The following TMEM65 variants were observed in gnomAD, a reference collection of about 807,000 sequenced individuals.
The protein encoded by TMEM65 is transmembrane protein 65.
A neutral mutation model predicts 25.4 loss-of-function variants in TMEM65; 22 were observed. The observed-to-expected ratio is 0.86, with a 90% CI of 0.62 to 1.23. TMEM65 has a LOEUF of 1.23. Among genes scored for constraint, TMEM65 ranks in the 50% most tolerant of loss-of-function variants. The pLI is 0.00. For missense variants in TMEM65, 262 were observed against 308.2 expected (o/e 0.85, Z 1.12); for synonymous variants, 132 against 126.2 (o/e 1.05, Z -0.31).
At chr8:124,339,232 T>A (rs1478369602) in intron 1 of TMEM65, among the ~76,000 whole-genome samples, 79 of 41,936 alleles carry the variant, frequency 1.9e-3, no homozygotes, top group Non-Finnish European at 3.6e-3. Flanking sequence ...AATATATATA[T>A]ATATATATAT....
At position 124,327,395 on chromosome 8, in the gene TMEM65, T is replaced by C. The variant is rs756428529; in HGVS notation, c.376A>G (p.Ile126Val). The change falls in exon 3 of 7, where the codon ATA becomes GTA. Residue 126 changes from isoleucine to valine, a missense_variant. Physicochemically the swap from Ile to Val is conservative, Grantham distance 29 (BLOSUM62 3). Coordinates refer to ENST00000297632, the MANE Select transcript of TMEM65 (RefSeq NM_194291.3). ...GCATTATCCAAAAAGCCAAACCCTA[T>C]GAAAGGTATCGCATTGTGGATGAAT... ...YVFIHNAIPF[I>V]GFGFLDNAIM... The C allele has an allele frequency of 4.4e-6, 7 of 1,602,174 alleles. No individual in the cohort carries two copies. In the South Asian group the frequency reaches 7.9e-5, roughly 18 times the overall value.
intron 1 of TMEM65, among the ~76,000 whole-genome samples, chr8:124,356,102 A>G (rs900549502): frequency 6.6e-6 from 1 of 152,212 alleles, no homozygotes; most frequent in African/African-American, 2.4e-5. Flanking sequence ...CTACGAGTCA[A>G]TCCTTAATCT....
At chr8:124,370,854 GAGAGT>G (rs1211823554) in intron 1 of TMEM65, among the ~76,000 whole-genome samples, 2 of 152,180 alleles carry the variant, frequency 1.3e-5, no homozygotes, top group African/African-American at 4.8e-5. Flanking sequence ...GTTTAGAGAG[GAGAGT>G]AAACTTTTTT....
chr8:124,311,067 T>C lies in TMEM65; in HGVS notation c.*2893A>G, dbSNP rs939036363. ...AAACTTCCATTACCTTCAAAATTTA[T>C]GTTCTAGAGAAAAAGAATAAAGTAA... On this transcript the variant is annotated 3_prime_UTR_variant, in exon 7 of 7. Transcript: ENST00000297632. The C allele has an allele frequency of 2.0e-5, 3 of 152,230 alleles. No individual in the cohort carries two copies. The highest frequency in any genetic ancestry group is 2.9e-5 in the Non-Finnish European group (2 of 68,038). The allele number at this position is 152,230 out of a possible 1,614,324, so 9.4% of individuals were successfully genotyped here.
At chr8:124,339,392 CCTTTTT>C (rs1456986914) in intron 1 of TMEM65, among the ~76,000 whole-genome samples, 2 of 151,220 alleles carry the variant, frequency 1.3e-5, no homozygotes, top group Non-Finnish European at 2.9e-5. Flanking sequence ...TATATAATTT[CCTTTTT>C]CTATCTATAA....
At chr8:124,357,600 T>G (rs1814800902) in intron 1 of TMEM65, among the ~76,000 whole-genome samples, 1 of 152,090 alleles carries the variant, frequency 6.6e-6, no homozygotes, top group African/African-American at 2.4e-5. Context: ...GCTTTTGTAT[T>G]GAATGGTGCA....
In TMEM65 at chr8:124,312,504, A is replaced by T. The variant is rs1315615014; in HGVS notation, c.*1456T>A. The T allele has an allele frequency of 6.6e-6, 1 of 151,400 alleles. No homozygotes were observed. Among genetic ancestry groups the T allele is most frequent in the Non-Finnish European group, 1.5e-5 (1 of 67,762 alleles). The allele number at this position is 151,400 out of a possible 1,614,324, so 9.4% of individuals were successfully genotyped here. On this transcript the variant is annotated 3_prime_UTR_variant, in exon 7 of 7. Transcript: ENST00000297632. ...AAATAAACTGCTGTAAAACCTCTGC[A>T]TCTATTTAGCAACACAAATAACTTC...
rs138888643 is a variant in TMEM65 at position 124,327,420 on chromosome 8, T to C, written c.351A>G (p.Val117=). 9 of 1,585,602 alleles carry C rather than the reference T, an allele frequency of 5.7e-6. No homozygotes were observed. Among genetic ancestry groups the C allele is most frequent in the Non-Finnish European group, 7.7e-6 (9 of 1,167,318 alleles). The change falls in exon 3 of 7, where the codon GTA becomes GTG. Residue 117 remains valine (V), a splice_region_variant and synonymous_variant. Coordinates refer to ENST00000297632, the MANE Select transcript of TMEM65 (RefSeq NM_194291.3). ...PPPTPGQLRY[V]FIHNAIPFIG... ...TGAAAGGTATCGCATTGTGGATGAA[T>C]ACTGAAAAACATCAAAAACAGAAAA...
At chr8:124,354,143 A>G (rs1814746566) in intron 1 of TMEM65, among the ~76,000 whole-genome samples, 1 of 152,136 alleles carries the variant, frequency 6.6e-6, no homozygotes, top group Non-Finnish European at 1.5e-5. Flanking sequence ...AAACCCAAAG[A>G]CATGCTACAA....
intron 6 of TMEM65, among the ~76,000 whole-genome samples, chr8:124,316,296 T>G (rs770230000): frequency 3.9e-5 from 6 of 152,200 alleles, no homozygotes; most frequent in Non-Finnish European, 5.9e-5. Context: ...TCTGTAATAC[T>G]GTTTTATAAG....
chr8:124,313,948 A>AT lies in TMEM65; in HGVS notation c.*11dup, dbSNP rs771941019. The AT allele has an allele frequency of 1.5e-5, 24 of 1,575,130 alleles. No individual in the cohort carries two copies. The highest frequency in any genetic ancestry group is 2.0e-5 in the Non-Finnish European group (23 of 1,146,110). ...CATTAGTTTACATCTTTTTATAGGT[A>AT]TTCTAAGAGGATTAACTTTTCGTTT... On this transcript the variant is annotated 3_prime_UTR_variant, in exon 7 of 7. Coordinates refer to ENST00000297632, the MANE Select transcript of TMEM65 (RefSeq NM_194291.3).
At chr8:124,361,321 G>A (rs113982663) in intron 1 of TMEM65, among the ~76,000 whole-genome samples, 3,959 of 151,826 alleles carry the variant, frequency 0.026, 218 homozygotes, top group African/African-American at 0.09. Flanking sequence ...TGTAATCCCA[G>A]CTACTCCAGA....
chr8:124,314,138 C>T, intron 6 of TMEM65, 77 bp from the exon 7 acceptor site: 1 of 1,130,464 alleles, frequency 8.8e-7, no homozygotes, highest in Non-Finnish European at 1.3e-6. Context: ...ATCTCACCAG[C>T]TCTTCTCAAT....
Position 124,342,752 on chromosome 8 carries a change from G to A in TMEM65, c.305-11960C>T, listed in dbSNP as rs570583319. 2.3e-4 allele frequency among the ~76,000 whole-genome samples: 35 copies of A among 152,216 alleles called. No homozygotes were observed. In the South Asian group the frequency reaches 6.6e-3, roughly 29 times the overall value. On this transcript the variant is annotated intron_variant, in intron 1 of 6. Transcript: ENST00000297632. ...CAAATTACAGGGAAAAATTGTTCGA[G>A]TGACTGTTCTAAGATTGCTAAAGTG...
At chr8:124,333,464 TGTGTGC>T (rs1368980083) in intron 1 of TMEM65, among the ~76,000 whole-genome samples, 1 of 84,634 alleles carries the variant, frequency 1.2e-5, no homozygotes, top group Non-Finnish European at 2.2e-5. Flanking sequence ...TCTGTGTGTG[TGTGTGC>T]GTGTGTGTGT....
chr8:124,331,624 A>T (rs1814433359), intron 1 of TMEM65, among the ~76,000 whole-genome samples: 1 of 151,866 alleles, frequency 6.6e-6, no homozygotes, highest in East Asian at 1.9e-4. Context: ...ACCTGGTCTT[A>T]TAACAATAAG....
chr8:124,309,235 A>T lies in TMEM65; in HGVS notation c.*4725T>A, dbSNP rs1011258815. ...AAAGGCTTCCAGCCAATAGGAGGCT[A>T]TAAGTAAAGTTTGGAGAGAGTAAAA... is the stretch of plus-strand genomic sequence containing the variant. On this transcript the variant is annotated 3_prime_UTR_variant, in exon 7 of 7. Coordinates refer to ENST00000297632, the MANE Select transcript of TMEM65 (RefSeq NM_194291.3). 3.9e-5 allele frequency: 6 copies of T among 152,256 alleles called. No individual in the cohort carries two copies. The highest frequency in any genetic ancestry group is 1.4e-4 in the African/African-American group (6 of 41,470). The allele number at this position is 152,256 out of a possible 1,614,324, so 9.4% of individuals were successfully genotyped here. A position where few individuals can be genotyped will look rare whatever the true frequency, so the allele number is the denominator to read the frequency against.
intron 1 of TMEM65, among the ~76,000 whole-genome samples, chr8:124,358,060 C>G (rs1020613940): frequency 6.6e-6 from 1 of 152,048 alleles, no homozygotes; most frequent in Non-Finnish European, 1.5e-5. Flanking sequence ...AAACTCCTGA[C>G]TTCAGGTGAT....
chr8:124,339,134 G>T, intron 1 of TMEM65, among the ~76,000 whole-genome samples: 1 of 136,270 alleles, frequency 7.3e-6, no homozygotes, highest in South Asian at 2.4e-4. Flanking sequence ...GCTTGCGGCA[G>T]TGAGCCCAGA....
Sources: allele counts gnomAD v4.1 joint callset (sites outside exome capture counted in the v4.1 genomes callset), GRCh38; gene constraint gnomAD v4.1.1; transcripts MANE v1.5; gene names NCBI Gene and HGNC (gene_info 2026-07-23, HGNC 2026-07-21).